The following CELF2 variants were observed in gnomAD, a reference collection of about 807,000 sequenced individuals.
The protein encoded by CELF2 is CUGBP Elav-like family member 2.
A neutral mutation model predicts 62.6 loss-of-function variants in CELF2; 8 were observed. That is an observed-to-expected ratio of 0.13 (90% CI 0.07 to 0.23). The LOEUF (loss-of-function observed/expected upper bound fraction) is 0.23. Ranked by LOEUF, CELF2 falls within the 10% of genes least tolerant of loss-of-function variation. The pLI is 1.00. For missense variants in CELF2, 333 were observed against 671.0 expected, an observed-to-expected ratio of 0.50 and a Z score of 5.56; for synonymous variants, 258 against 250.0, an observed-to-expected ratio of 1.03 and a Z score of -0.30.
intron 1 of CELF2, among the ~76,000 whole-genome samples, chr10:11,132,082 A>T (rs1481546790): frequency 6.6e-6 from 1 of 152,228 alleles, no homozygotes; most frequent in Admixed American, 6.5e-5. Flanking sequence ...TGTGTGCCCA[A>T]TGTAAGTCTG....
chr10:10,800,883 T>C (rs1291636340), intron 1 of CELF2, among the ~76,000 whole-genome samples: 1 of 152,164 alleles, frequency 6.6e-6, no homozygotes, highest in African/African-American at 2.4e-5. Flanking sequence ...TACTAACCTG[T>C]CTCTAAAACT....
intron 2 of CELF2, among the ~76,000 whole-genome samples, chr10:10,998,047 C>A (rs146012586): frequency 2.0e-5 from 3 of 152,342 alleles, no homozygotes; most frequent in East Asian, 3.9e-4. Context: ...CACACGCTCT[C>A]TTGCCTGCCA....
At chr10:11,088,549 A>G (rs1365975034) in intron 1 of CELF2, among the ~76,000 whole-genome samples, 1 of 148,860 alleles carries the variant, frequency 6.7e-6, no homozygotes, top group Non-Finnish European at 1.5e-5. Flanking sequence ...TAGAGGAGGA[A>G]GAGCCTAGCA....
At chr10:10,889,894 G>C in intron 1 of CELF2, among the ~76,000 whole-genome samples, 1 of 152,170 alleles carries the variant, frequency 6.6e-6, no homozygotes. Context: ...TTTCTTCCTG[G>C]AAGAGTGTAC....
At chr10:11,000,486 A>G (rs1440768335), upstream of CELF2, among the ~76,000 whole-genome samples, 1 of 152,220 alleles carries the variant, frequency 6.6e-6, no homozygotes, top group Non-Finnish European at 1.5e-5. Flanking sequence ...AGTCTTGCTC[A>G]TTAATCATTC....
rs76148271 is a variant in CELF2, at chr10:11,318,429, G to A, written c.1097-2760G>A. ...ATCCCTTGCTCATGGTACCGCCTCT[G>A]CCACCTCCCCAGGGAAACAGGGCTG... is the stretch of plus-strand genomic sequence containing the variant. On this transcript the variant is annotated intron_variant, in intron 10 of 12. Transcript: ENST00000633077. The surrounding 1 kb of genome is among the most constrained non-coding windows in gnomAD (Gnocchi z 5.4). 1.8e-3 allele frequency: 521 copies of A among 293,350 alleles called. 5 individuals carry two copies. The highest frequency in any genetic ancestry group is 2.5e-3 in the Middle Eastern group (2 of 796). 18.2% of individuals were successfully genotyped at this position (293,350 alleles called of 1,614,324 possible). A position where few individuals can be genotyped will look rare whatever the true frequency, so the allele number is the denominator to read the frequency against.
chr10:11,005,104 C>G, upstream of CELF2: 1 of 985,276 alleles, frequency 1.0e-6, no homozygotes, highest in Non-Finnish European at 1.2e-6. The surrounding 1 kb of genome is among the most constrained non-coding windows in gnomAD (Gnocchi z 4.3). Context: ...GACAAGACCC[C>G]TATAGGCAGC....
chr10:10,940,415 A>T lies in CELF2; in HGVS notation c.89+20416A>T, dbSNP rs535714941. Among the ~76,000 whole-genome samples the T allele has an allele frequency of 1.4e-4, 22 of 152,300 alleles. No individual in the cohort carries two copies. In the South Asian group the frequency reaches 4.1e-3, roughly 29 times the overall value. ...CAGCTAACTTGCTCCTTTGTCATGC[A>T]GGGAAAGGAGTAGTGTGGACTGAGG... is the stretch of plus-strand genomic sequence containing the variant. On this transcript the variant is annotated intron_variant, in intron 2 of 13. Transcript: ENST00000636488.
intron 1 of CELF2, among the ~76,000 whole-genome samples, chr10:11,123,836 G>A (rs2058205753): frequency 6.6e-6 from 1 of 152,166 alleles, no homozygotes; most frequent in African/African-American, 2.4e-5. Flanking sequence ...TGTACCTTTT[G>A]TTTTTCTTAC....
At chr10:10,651,835 G>C in the CELF2 span, among the ~76,000 whole-genome samples, 1 of 151,584 alleles carries the variant, frequency 6.6e-6, no homozygotes, top group Non-Finnish European at 1.5e-5. Flanking sequence ...CCAAAGGAAC[G>C]CAGTTCCTCA....
intron 1 of CELF2, among the ~76,000 whole-genome samples, chr10:11,034,853 A>G (rs1351665155): frequency 6.6e-6 from 1 of 152,190 alleles, no homozygotes; most frequent in African/African-American, 2.4e-5. Flanking sequence ...CTTGAGAACA[A>G]GTAGATGAGG....
the CELF2 span, among the ~76,000 whole-genome samples, chr10:10,543,374 A>G: frequency 1.3e-5 from 2 of 152,216 alleles, no homozygotes; most frequent in African/African-American, 4.8e-5. Flanking sequence ...TACCTGGTCA[A>G]CCTGCTTGAT....
intron 1 of CELF2, among the ~76,000 whole-genome samples, chr10:11,076,145 A>G (rs1463304944): frequency 6.6e-6 from 1 of 152,010 alleles, no homozygotes; most frequent in African/African-American, 2.4e-5. Context: ...CAGATGGGAT[A>G]TTGATGGTCA....
intron 2 of CELF2, among the ~76,000 whole-genome samples, chr10:10,927,684 C>T (rs12414749): frequency 0.46 from 69,799 of 151,900 alleles, 16,958 homozygotes; most frequent in South Asian, 0.57. Flanking sequence ...CCACCTTGGC[C>T]TCCTAAAATG....
At position 11,309,628 on chromosome 10, in the gene CELF2, T is replaced by A. The variant is rs1464094973; in HGVS notation, c.977-4511T>A. Among the ~76,000 whole-genome samples, 2 of 151,610 alleles carry A rather than the reference T, an allele frequency of 1.3e-5. No individual in the cohort carries two copies. The highest frequency in any genetic ancestry group is 4.8e-5 in the African/African-American group (2 of 41,386). On this transcript the variant is annotated intron_variant, in intron 9 of 12. Coordinates refer to ENST00000633077, the MANE Select transcript of CELF2 (RefSeq NM_001326342.2). The surrounding 1 kb of genome is among the most constrained non-coding windows in gnomAD (Gnocchi z 5.6). ...CAGTCTGCTCTGATTGTCCCCACAG[T>A]CTGCTCTGACTGTGGCTGGGCCCTT...
intron 2 of CELF2, among the ~76,000 whole-genome samples, chr10:10,929,377 A>G (rs900716592): frequency 6.6e-6 from 1 of 152,228 alleles, no homozygotes; most frequent in African/African-American, 2.4e-5. Flanking sequence ...CATGTAAAGT[A>G]TTTAGCTCAA....
At chr10:10,869,390 C>A (rs916074098) in intron 1 of CELF2, among the ~76,000 whole-genome samples, 2 of 152,074 alleles carry the variant, frequency 1.3e-5, no homozygotes, top group Admixed American at 6.5e-5. Context: ...AGTGAAACCC[C>A]ATCTCTACTA....
intron 9 of CELF2, among the ~76,000 whole-genome samples, chr10:11,291,745 G>T (rs905093705): frequency 1.3e-5 from 2 of 152,154 alleles, no homozygotes; most frequent in Admixed American, 1.3e-4. Context: ...TTTGACGACT[G>T]TGTCTCTGTT....
intron 1 of CELF2, among the ~76,000 whole-genome samples, chr10:11,122,638 C>A (rs1488546216): frequency 6.6e-6 from 1 of 152,206 alleles, no homozygotes; most frequent in East Asian, 1.9e-4. Context: ...CTTTCCCCCT[C>A]CTTTTAGATT....
Sources: allele counts gnomAD v4.1 joint callset (sites outside exome capture counted in the v4.1 genomes callset), GRCh38; gene constraint gnomAD v4.1.1; non-coding constraint Gnocchi (gnomAD v3.1); transcripts MANE v1.5; gene names NCBI Gene and HGNC (gene_info 2026-07-23, HGNC 2026-07-21).